DHRS4L2: variants seen among roughly 807,000 people sequenced by gnomAD.
The protein encoded by DHRS4L2 is dehydrogenase/reductase SDR family member 4-like 2.
A neutral mutation model predicts 23.9 loss-of-function variants in DHRS4L2; 22 were observed. That is an observed-to-expected ratio of 0.92 (90% confidence interval 0.66 to 1.31). The LOEUF (loss-of-function observed/expected upper bound fraction) is 1.31. Ranked by LOEUF, DHRS4L2 falls within the 40% of genes most tolerant of loss-of-function variation. The pLI, the probability that DHRS4L2 is intolerant of heterozygous loss-of-function variation, is 0.00. For missense variants in DHRS4L2, 385 were observed against 303.3 expected (o/e 1.27, Z -2.00); for synonymous variants, 141 against 123.7 (o/e 1.14, Z -0.93).
intron 4 of DHRS4L2, 44 bp downstream of exon 4, chr14:24,000,977 C>G (rs564645090): frequency 3.0e-5 from 48 of 1,611,460 alleles, no homozygotes; most frequent in Middle Eastern, 1.7e-4. Context: ...GGACCCCACA[C>G]AGGCTGAGGG....
chr14:23,990,731 C>G, intron 2 of DHRS4L2: 1 of 857,904 alleles, frequency 1.2e-6, no homozygotes, highest in Non-Finnish European at 1.4e-6. Flanking sequence ...GGAAGCAGCC[C>G]ACCATGTTTC....
At chr14:23,980,669 T>C (rs2034035182) in intron 1 of DHRS4L2, among the ~76,000 whole-genome samples, 1 of 150,176 alleles carries the variant, frequency 6.7e-6, no homozygotes, top group African/African-American at 2.5e-5. Context: ...TCAATAAACA[T>C]AGTCCATCAC....
chr14:23,982,133 T>C (rs1024790367), intron 1 of DHRS4L2, among the ~76,000 whole-genome samples: 9 of 151,612 alleles, frequency 5.9e-5, no homozygotes, highest in Non-Finnish European at 1.2e-4. Flanking sequence ...TTTCAGACTA[T>C]CACATGGGGA....
At chr14:23,977,905 G>A (rs59082073) in intron 1 of DHRS4L2, among the ~76,000 whole-genome samples, 10,246 of 151,538 alleles carry the variant, frequency 0.068, 606 homozygotes, top group East Asian at 0.2. Flanking sequence ...TCAAATGGCT[G>A]TAACTATGTG....
In DHRS4L2 at chr14:23,970,237, G is replaced by A. The variant is rs1222092156; in HGVS notation, c.-271G>A. The A allele has an allele frequency of 2.9e-5, 13 of 452,180 alleles. 1 individual carries two copies. The highest frequency in any genetic ancestry group is 1.3e-5 in the Non-Finnish European group (3 of 226,330). 28.0% of individuals were successfully genotyped at this position (452,180 alleles called of 1,614,324 possible). A position where few individuals can be genotyped will look rare whatever the true frequency, so the allele number is the denominator to read the frequency against. On this transcript the variant is annotated 5_prime_UTR_variant, in exon 1 of 6. Transcript: ENST00000534993. ...ACCCCGGCCCGGTGCCTCACACCCCGCTACCCCAAGCATCCAGACTCTAAG... is the reference window on the plus strand; with the variant it reads ...ACCCCGGCCCGGTGCCTCACACCCCACTACCCCAAGCATCCAGACTCTAAG...
chr14:23,970,494 G>C (rs2033832563), intron 1 of DHRS4L2, among the ~76,000 whole-genome samples: 2 of 152,038 alleles, frequency 1.3e-5, no homozygotes, highest in Admixed American at 1.3e-4. Context: ...ACCCACCGCA[G>C]CTCAGCAAGG....
At chr14:23,999,947 G>C (rs2034454690) in intron 3 of DHRS4L2, among the ~76,000 whole-genome samples, 1 of 133,438 alleles carries the variant, frequency 7.5e-6, no homozygotes, top group African/African-American at 3.3e-5. Context: ...CACCCATCTT[G>C]GCCTCCCGAA....
chr14:23,996,259 C>A (rs1270505556), intron 3 of DHRS4L2, among the ~76,000 whole-genome samples: 1 of 151,528 alleles, frequency 6.6e-6, no homozygotes, highest in African/African-American at 2.4e-5. Context: ...CAACATGGGA[C>A]TTAGAGGGGA....
rs556425387 is a variant in DHRS4L2, at chr14:23,978,259, A to G, written c.-176+7927A>G. Among the ~76,000 whole-genome samples, 225 of 150,512 alleles carry G rather than the reference A, an allele frequency of 1.5e-3. 7 individuals are homozygous for G. Among genetic ancestry groups the G allele is most frequent in the African/African-American group, 5.2e-3 (212 of 40,460 alleles). On this transcript the variant is annotated intron_variant, in intron 1 of 5. Transcript: ENST00000534993. ...ATAGCATTGTTTGAAATAGCAAAACACTGGAAGCTACTTAAATATCCATCA... is the reference window on the plus strand; with the variant it reads ...ATAGCATTGTTTGAAATAGCAAAACGCTGGAAGCTACTTAAATATCCATCA...
Position 24,006,052 on chromosome 14 carries a change from T to C in DHRS4L2, c.*189T>C. On this transcript the variant is annotated 3_prime_UTR_variant, in exon 8 of 8. Coordinates refer to ENST00000335125, the MANE Select transcript of DHRS4L2 (RefSeq NM_198083.4). The stretch of plus-strand genomic sequence containing the variant: ...AGTTGGGCTCTAGCTCCTGGTGCTG[T>C]TCCTGCATTCACCCACTGGCCTTTC... 1 of 1,597,894 alleles carries C rather than the reference T, an allele frequency of 6.3e-7. No homozygotes were observed. The highest frequency in any genetic ancestry group is 2.3e-5 in the East Asian group (1 of 43,668).
chr14:23,985,951 T>C (rs1199987930), upstream of DHRS4L2, among the ~76,000 whole-genome samples: 1 of 151,566 alleles, frequency 6.6e-6, no homozygotes, highest in East Asian at 1.9e-4. Context: ...CAGCTAATTT[T>C]TGTATTTTTA....
chr14:23,999,069 G>C (rs534167608), intron 3 of DHRS4L2, among the ~76,000 whole-genome samples: 1 of 149,220 alleles, frequency 6.7e-6, no homozygotes, highest in African/African-American at 2.5e-5. Context: ...TCCACAGAGA[G>C]GGAGAGAGAT....
chr14:23,996,744 G>A (rs865786383), intron 3 of DHRS4L2, among the ~76,000 whole-genome samples: 198 of 149,614 alleles, frequency 1.3e-3, no homozygotes, highest in African/African-American at 4.6e-3. Context: ...AGGTTCAAGC[G>A]ATTCTTGTGC....
chr14:23,997,571 CA>C (rs1195279719), intron 3 of DHRS4L2, among the ~76,000 whole-genome samples: 2 of 145,566 alleles, frequency 1.4e-5, no homozygotes, highest in Non-Finnish European at 3.0e-5. Context: ...GTGATTTCAA[CA>C]ATATTCATGG....
In DHRS4L2 at chr14:23,992,481, C is replaced by T. The variant is rs567996916; in HGVS notation, c.306+2122C>T. 5.9e-5 allele frequency among the ~76,000 whole-genome samples: 9 copies of T among 151,480 alleles called. 1 individual carries two copies. In the South Asian group the frequency reaches 1.0e-3, roughly 18 times the overall value. ...TACCCTGCAATAAGAAAAGCCACTG[C>T]CCTGAGAATGGATACTACCCAGTGG... On this transcript the variant is annotated intron_variant, in intron 2 of 7. Coordinates refer to ENST00000335125, the MANE Select transcript of DHRS4L2 (RefSeq NM_198083.4).
chr14:23,989,109 G>A (rs2034211704), intron 1 of DHRS4L2, 34 bp downstream of exon 1: 4 of 1,550,836 alleles, frequency 2.6e-6, no homozygotes, highest in Non-Finnish European at 2.6e-6. Context: ...TGAGGCCCTG[G>A]CTGCCTGGAA....
In DHRS4L2 at chr14:23,995,247, C is replaced by T. The variant is rs962544792; in HGVS notation, c.408+114C>T. On this transcript the variant is annotated intron_variant, in intron 3 of 7. Coordinates refer to ENST00000335125, the MANE Select transcript of DHRS4L2 (RefSeq NM_198083.4). The stretch of plus-strand genomic sequence containing the variant: ...CAGTGTAAATGTGAGGACTCTTTGC[C>T]ACGTGCCACACACCTGGAGCACACC... 191 of 1,207,254 alleles carry T rather than the reference C, an allele frequency of 1.6e-4. 3 individuals are homozygous for T. The highest frequency in any genetic ancestry group is 2.2e-4 in the Non-Finnish European group (185 of 824,980). 74.8% of individuals were successfully genotyped at this position (1,207,254 alleles called of 1,614,324 possible).
At chr14:23,996,347 T>C (rs2034382233) in intron 3 of DHRS4L2, among the ~76,000 whole-genome samples, 1 of 151,470 alleles carries the variant, frequency 6.6e-6, no homozygotes, top group South Asian at 2.1e-4. Context: ...CTATGATTTA[T>C]TTACCAGTGT....
intron 3 of DHRS4L2, among the ~76,000 whole-genome samples, chr14:23,998,046 G>T (rs1422282594): frequency 6.6e-6 from 1 of 151,886 alleles, no homozygotes; most frequent in Non-Finnish European, 1.5e-5. Flanking sequence ...TGTGTTAGCA[G>T]GCATGAAAAC....
Sources: allele counts gnomAD v4.1 joint callset (sites outside exome capture counted in the v4.1 genomes callset), GRCh38; gene constraint gnomAD v4.1.1; transcripts MANE v1.5; gene names NCBI Gene and HGNC (gene_info 2026-07-23, HGNC 2026-07-21).